PAN2: variants seen among roughly 807,000 people sequenced by gnomAD.
PAN2 encodes the protein PAN2-PAN3 deadenylation complex catalytic subunit PAN2.
In PAN2, 68 loss-of-function variants were observed where a neutral mutation model predicts 133.3. That is an observed-to-expected ratio of 0.51 (90% CI 0.42 to 0.62). PAN2 has a LOEUF of 0.62. Ranked by LOEUF, PAN2 falls within the 20% of genes least tolerant of loss-of-function variation. The probability of loss-of-function intolerance (pLI) is 0.00; values close to 1 mark genes in which losing one functional copy is unlikely to be tolerated. For synonymous variants in PAN2, 462 were observed against 544.6 expected, an observed-to-expected ratio of 0.85 and a Z score of 2.11; for missense variants, 1,042 against 1,500.5, an observed-to-expected ratio of 0.69 and a Z score of 5.05.
intron 5 of PAN2, 77 bp downstream of exon 5, chr12:56,327,918 T>A: frequency 6.3e-7 from 1 of 1,597,278 alleles, no homozygotes; most frequent in Non-Finnish European, 8.5e-7. Context: ...CACCCCAGAG[T>A]TAAGGGAAAG....
At position 56,328,526 on chromosome 12, in the gene PAN2, G is replaced by A. The variant is rs762946032; in HGVS notation, c.398C>T (p.Thr133Ile). 1 of 1,614,206 alleles carries A rather than the reference G, an allele frequency of 6.2e-7. No individual in the cohort carries two copies. Among genetic ancestry groups the A allele is most frequent in the Non-Finnish European group, 8.5e-7 (1 of 1,180,008 alleles). ...GGCCATATACTTGAGGTTGTTCTTG[G>A]TGAGAAAAAGGATACCATTCTCCAG... ...QSLENGILFL[T>I]KNNLKYMARG... Residue 133 changes from threonine to isoleucine, a missense_variant, in exon 3 of 26, where the codon ACC (threonine) becomes ATC (isoleucine). This residue lies in a region of PAN2 where 908 missense variants were observed against 1,223.5 expected (regional missense o/e 0.74). Coordinates refer to ENST00000440411, the MANE Select transcript of PAN2 (RefSeq NM_014871.6).
intron 25 of PAN2, among the ~76,000 whole-genome samples, chr12:56,317,956 C>G (rs1230667057): frequency 6.6e-6 from 1 of 152,144 alleles, no homozygotes; most frequent in South Asian, 2.1e-4. Context: ...GTGGGTGGAT[C>G]GCTTGAGCCC....
chr12:56,325,925 CT>C (rs2135977841), intron 8 of PAN2, among the ~76,000 whole-genome samples: 1 of 152,320 alleles, frequency 6.6e-6, no homozygotes, highest in Admixed American at 6.5e-5. Flanking sequence ...ATATTCTCCT[CT>C]GTTACTATCT....
Position 56,322,164 on chromosome 12 carries a change from T to C in PAN2, c.2702A>G (p.Glu901Gly). ...CCAATTCATGTCAAACTGCACAGCT[T>C]CATGCTATAGAAGAGAAAAAGCACT... ...DFLIEPIDKH[E>G]AVQFDMNWKV... Residue 901 changes from glutamate to glycine, a missense_variant, in exon 20 of 26, where the codon GAA becomes GGA. Glu to Gly is a moderately conservative substitution (Grantham distance 98). Transcript: ENST00000440411. 1 of 1,593,640 alleles carries C rather than the reference T, an allele frequency of 6.3e-7. No homozygotes were observed. The highest frequency in any genetic ancestry group is 8.6e-7 in the Non-Finnish European group (1 of 1,161,590).
Position 56,327,457 on chromosome 12 carries a change from G to A in PAN2, c.826C>T (p.Arg276Cys). ...FLKVYDLRMM[R>C]AITPLQVHVD... ...TGTACTTGAAGTGGTGTGATGGCAC[G>A]CATCATGCGCAAATCATACACCTTG... The change falls in exon 6 of 26, where the codon CGT (arginine) becomes TGT (cysteine). Residue 276 changes from arginine (R) to cysteine (C), a missense_variant. By Grantham distance (180) the Arg-to-Cys change is radical. Around this residue, in one of 3 missense-constraint regions of PAN2, gnomAD observed 908 missense variants for 1,223.5 expected, o/e 0.74. Coordinates refer to ENST00000440411, the MANE Select transcript of PAN2 (RefSeq NM_014871.6). 1.2e-6 allele frequency: 2 copies of A among 1,614,192 alleles called. No individual in the cohort carries two copies. The highest frequency in any genetic ancestry group is 8.5e-7 in the Non-Finnish European group (1 of 1,180,018).
intron 6 of PAN2, 132 bp downstream of exon 6, chr12:56,327,232 G>T: frequency 9.8e-7 from 1 of 1,019,724 alleles, no homozygotes; most frequent in Non-Finnish European, 1.5e-6. Context: ...CCAAACCCAA[G>T]TAAAACCTTG....
chr12:56,332,604 A>G, intron 2 of PAN2: 1 of 412,884 alleles, frequency 2.4e-6, no homozygotes, highest in East Asian at 4.3e-5. Context: ...TGTCTCGAAA[A>G]AAAAAAAAAA....
chr12:56,325,544 G>A, intron 8 of PAN2, 90 bp from the exon 9 acceptor site: 6 of 1,388,172 alleles, frequency 4.3e-6, no homozygotes, highest in Non-Finnish European at 6.0e-6. Flanking sequence ...CAGCCACCAA[G>A]TCCTGAACCT....
chr12:56,320,716 T>C (rs1271011012), intron 20 of PAN2, among the ~76,000 whole-genome samples: 1 of 151,344 alleles, frequency 6.6e-6, no homozygotes, highest in Non-Finnish European at 1.5e-5. Flanking sequence ...CTCATCTCAT[T>C]TCCACTCCAC....
At chr12:56,332,227 A>G (rs1875961391) in intron 2 of PAN2, among the ~76,000 whole-genome samples, 1 of 152,216 alleles carries the variant, frequency 6.6e-6, no homozygotes, top group Non-Finnish European at 1.5e-5. Context: ...AGCAATTGAG[A>G]TTAGATTTGG....
At chr12:56,320,059 G>A in intron 20 of PAN2, 38 bp from the exon 21 acceptor site, 1 of 1,607,714 alleles carries the variant, frequency 6.2e-7, no homozygotes, top group African/African-American at 1.3e-5. Flanking sequence ...GGCTTGGATA[G>A]GGAAGTGACT....
chr12:56,317,717 G>GA, intron 25 of PAN2, 74 bp from the exon 26 acceptor site: 1 of 1,319,948 alleles, frequency 7.6e-7, no homozygotes, highest in Non-Finnish European at 1.1e-6. Flanking sequence ...TCCTATGAAG[G>GA]AAAAATGCAA....
At chr12:56,328,665 G>A in intron 2 of PAN2, 24 bp from the exon 3 acceptor site, 4 of 1,608,772 alleles carry the variant, frequency 2.5e-6, no homozygotes, top group Non-Finnish European at 3.4e-6. Flanking sequence ...AGACAACAGA[G>A]ACACTTAGAG....
At chr12:56,327,781 G>T in intron 5 of PAN2, 150 bp from the exon 6 acceptor site, 2 of 1,221,584 alleles carry the variant, frequency 1.6e-6, no homozygotes. Flanking sequence ...GAAGCCCAGA[G>T]CCAGAAGGGG....
At chr12:56,327,812 C>G in intron 5 of PAN2, 181 bp from the exon 6 acceptor site, 2 of 1,309,270 alleles carry the variant, frequency 1.5e-6, no homozygotes, top group Non-Finnish European at 2.0e-6. Flanking sequence ...ACTTCATTAT[C>G]ATAGAAAACA....
In PAN2 at chr12:56,319,392, G is replaced by A; in HGVS notation, c.3186C>T (p.Tyr1062=). ...SKHLTTLKST[Y]LKLRFLIDIG... is the part of the protein sequence containing the mutation. The stretch of plus-strand genomic sequence containing the variant: ...TGTCAATGAGAAAACGAAGCTTTAA[G>A]TAGGTAGACTTGAGAGTTGTTAGGT... The change falls in exon 23 of 26, where the codon TAC becomes TAT. Residue 1062 remains tyrosine, a synonymous_variant. Coordinates refer to ENST00000440411, the MANE Select transcript of PAN2 (RefSeq NM_014871.6). This position sits in a 1 kb window ranked among gnomAD's most constrained non-coding sequence, Gnocchi z 5.4. 2 of 1,614,232 alleles carry A rather than the reference G, an allele frequency of 1.2e-6. No homozygotes were observed. The highest frequency in any genetic ancestry group is 1.7e-6 in the Non-Finnish European group (2 of 1,180,040).
Position 56,326,304 on chromosome 12 carries a change from T to A in PAN2, c.1359+9A>T, listed in dbSNP as rs1322350369. On this transcript the variant is annotated intron_variant, in intron 8 of 25. Transcript: ENST00000440411. ...CGGGGTCGGGGCTGACCCTCCACTC[T>A]GAACACACCTGATTGCGCAGCCTGG... 6.3e-7 allele frequency: 1 copy of A among 1,584,702 alleles called. No homozygotes were observed. Among genetic ancestry groups the A allele is most frequent in the Non-Finnish European group, 8.6e-7 (1 of 1,157,892 alleles).
Position 56,328,335 on chromosome 12 carries a change from T to C in PAN2, c.476A>G (p.His159Arg), listed in dbSNP as rs774876254. ...GCTGCTGTCAGTCAGTAGGAGACTG[T>C]GCATATCCTCATTCTCATCCAGCCT... Reference protein sequence around the residue: ...DYLLDENEDMHSLLLTDSSTL... With the variant: ...DYLLDENEDMRSLLLTDSSTL... Residue 159 changes from histidine to arginine, a missense_variant, in exon 4 of 26, where the codon CAC (histidine) becomes CGC (arginine). Physicochemically the swap from His to Arg is conservative, Grantham distance 29. Around this residue, in one of 3 missense-constraint regions of PAN2, gnomAD observed 908 missense variants for 1,223.5 expected, o/e 0.74. Coordinates refer to ENST00000440411, the MANE Select transcript of PAN2 (RefSeq NM_014871.6). 7 of 1,605,100 alleles carry C rather than the reference T, an allele frequency of 4.4e-6. No homozygotes were observed. The highest frequency in any genetic ancestry group is 6.0e-6 in the Non-Finnish European group (7 of 1,175,268).
At chr12:56,324,843 T>C in intron 10 of PAN2, 134 bp from the exon 11 acceptor site, 1 of 1,368,864 alleles carries the variant, frequency 7.3e-7, no homozygotes, top group Non-Finnish European at 1.0e-6. Flanking sequence ...ACCAAACCGG[T>C]GGAGCTCAGA....
Sources: gnomAD v4.1 joint callset for allele counts (sites outside exome capture counted in the v4.1 genomes callset) on GRCh38, gnomAD v4.1.1 for gene constraint, gnomAD v4.1.1 regional missense constraint, Gnocchi (gnomAD v3.1) non-coding constraint, MANE v1.5 for transcripts, NCBI Gene and HGNC (gene_info 2026-07-23, HGNC 2026-07-21) for gene names.